ATP10B: variants seen among roughly 807,000 people sequenced by gnomAD.
ATP10B encodes the protein phospholipid-transporting ATPase VB.
Under a neutral mutation model 141.2 loss-of-function variants are expected in ATP10B, and 122 were observed. That is an observed-to-expected ratio of 0.86 (90% CI 0.75 to 1.00). The LOEUF is 1.00. ATP10B is among the 50% of genes least tolerant of loss of function. The probability of loss-of-function intolerance (pLI) is 0.00; values close to 1 mark genes in which losing one functional copy is unlikely to be tolerated. For synonymous variants in ATP10B, 685 were observed against 692.0 expected, an observed-to-expected ratio of 0.99 and a Z score of 0.16; for missense variants, 1,876 against 1,825.3, an observed-to-expected ratio of 1.03 and a Z score of -0.51.
intron 24 of ATP10B, among the ~76,000 whole-genome samples, chr5:160,570,643 T>A (rs1466063613): frequency 1.3e-5 from 2 of 152,232 alleles, no homozygotes; most frequent in African/African-American, 4.8e-5. Flanking sequence ...TTAAAATCAC[T>A]CAACTCACTG....
At chr5:160,700,927 G>A (rs1450951070) in intron 3 of ATP10B, among the ~76,000 whole-genome samples, 3 of 151,946 alleles carry the variant, frequency 2.0e-5, no homozygotes, top group Non-Finnish European at 4.4e-5. Flanking sequence ...CTACCCTTTC[G>A]GTTGCCCAAG....
At chr5:160,802,751 G>C (rs77447678) in intron 1 of ATP10B, among the ~76,000 whole-genome samples, 161 of 152,284 alleles carry the variant, frequency 1.1e-3, no homozygotes, top group East Asian at 7.9e-3. Context: ...TGTACATTAG[G>C]GGGCAGCTTG....
chr5:160,652,901 T>TTATA (rs1554100549), intron 7 of ATP10B, among the ~76,000 whole-genome samples: 1 of 70,270 alleles, frequency 1.4e-5, no homozygotes, highest in Non-Finnish European at 2.5e-5. Context: ...ATATAATATA[T>TTATA]TATATATACA....
intron 2 of ATP10B, among the ~76,000 whole-genome samples, chr5:160,735,958 A>G (rs1767088028): frequency 6.6e-6 from 1 of 152,192 alleles, no homozygotes. Flanking sequence ...ATGGAAACAC[A>G]ACATACCAAA....
chr5:160,804,801 T>G (rs557019205), intron 1 of ATP10B, among the ~76,000 whole-genome samples: 63 of 152,200 alleles, frequency 4.1e-4, no homozygotes, highest in African/African-American at 1.4e-3. Context: ...AAAATAGAAA[T>G]AAAAAACAGT....
chr5:160,620,566 C>T lies in ATP10B; in HGVS notation c.2197G>A (p.Ala733Thr). 6.2e-7 allele frequency: 1 copy of T among 1,613,884 alleles called. No individual in the cohort carries two copies. Among genetic ancestry groups the T allele is most frequent in the Admixed American group, 1.7e-5 (1 of 60,022 alleles). ...DEAALVHAAH[A>T]YSFTLVSRTP... ...CGGGACACTAGTGTGAAGCTGTAGG[C>T]ATGGGCAGCGTGCACCAGGGCGGCC... is the stretch of plus-strand genomic sequence containing the variant. Residue 733 changes from alanine (A) to threonine (T), a missense_variant, in exon 15 of 26, where the codon GCC (alanine) becomes ACC (threonine). Ala to Thr is a moderately conservative substitution (Grantham distance 58). Coordinates refer to ENST00000327245, the MANE Select transcript of ATP10B (RefSeq NM_025153.3).
chr5:160,682,439 T>C (rs544238824), intron 6 of ATP10B, among the ~76,000 whole-genome samples: 9 of 152,374 alleles, frequency 5.9e-5, no homozygotes, highest in African/African-American at 2.2e-4. Context: ...GTTATCATCT[T>C]GGTTTTCCGA....
At chr5:160,592,713 A>G (rs1426921788) in intron 22 of ATP10B, among the ~76,000 whole-genome samples, 2 of 152,228 alleles carry the variant, frequency 1.3e-5, no homozygotes, top group Non-Finnish European at 1.5e-5. Flanking sequence ...TCCCACCCTA[A>G]TACTGTGCTT....
At chr5:160,699,356 T>A (rs1023717) in intron 3 of ATP10B, among the ~76,000 whole-genome samples, 1 of 152,198 alleles carries the variant, frequency 6.6e-6, no homozygotes, top group Non-Finnish European at 1.5e-5. Flanking sequence ...TAAATAAATC[T>A]CTCACAGAAG....
At chr5:160,719,275 C>G (rs948503819) in intron 2 of ATP10B, among the ~76,000 whole-genome samples, 2 of 152,294 alleles carry the variant, frequency 1.3e-5, no homozygotes, top group East Asian at 3.9e-4. Context: ...TGGTGGGCGC[C>G]TGTAGTCCCA....
chr5:160,615,558 C>T (rs116749077), intron 17 of ATP10B, among the ~76,000 whole-genome samples: 67 of 152,094 alleles, frequency 4.4e-4, no homozygotes, highest in African/African-American at 1.5e-3. Flanking sequence ...GCTTAGCAAA[C>T]ATTTGAATGA....
In ATP10B at chr5:160,565,505, C is replaced by G; in HGVS notation, c.4334G>C (p.Arg1445Pro). Residue 1445 changes from arginine to proline, a missense_variant, in exon 26 of 26, where the codon CGG (arginine) becomes CCG (proline). Physicochemically the swap from Arg to Pro is moderately radical, Grantham distance 103. Transcript: ENST00000327245. ...AYSRGQTDMC[R>P]CSKRSSHRRS... ...GCGATGGCTGCTCCTCTTTGAGCAC[C>G]GGCACATATCAGTCTGTCCTCTTGA... 1 of 1,614,082 alleles carries G rather than the reference C, an allele frequency of 6.2e-7. No homozygotes were observed. The highest frequency in any genetic ancestry group is 8.5e-7 in the Non-Finnish European group (1 of 1,179,970).
At chr5:160,864,819 C>T in the ATP10B span, among the ~76,000 whole-genome samples, 4 of 151,710 alleles carry the variant, frequency 2.6e-5, no homozygotes, top group South Asian at 6.2e-4. Flanking sequence ...CCTTTTACAA[C>T]AGCTGCAAAA....
At chr5:160,626,772 A>G (rs1758634275) in intron 13 of ATP10B, among the ~76,000 whole-genome samples, 1 of 152,206 alleles carries the variant, frequency 6.6e-6, no homozygotes, top group African/African-American at 2.4e-5. Context: ...GTGTTACATG[A>G]CAACCCTACT....
chr5:160,782,937 T>A (rs1374336909), intron 2 of ATP10B, among the ~76,000 whole-genome samples: 1 of 152,150 alleles, frequency 6.6e-6, no homozygotes, highest in East Asian at 1.9e-4. Flanking sequence ...GGTATTTCCA[T>A]TATATAGAAG....
At chr5:160,778,674 G>A (rs1770507989) in intron 2 of ATP10B, among the ~76,000 whole-genome samples, 1 of 146,842 alleles carries the variant, frequency 6.8e-6, no homozygotes, top group Non-Finnish European at 1.5e-5. Flanking sequence ...CAAAAATATT[G>A]ACTTTTTTAA....
the ATP10B span, among the ~76,000 whole-genome samples, chr5:160,880,916 C>T: frequency 6.6e-6 from 1 of 152,094 alleles, no homozygotes; most frequent in Non-Finnish European, 1.5e-5. Context: ...AGGCACACTC[C>T]ATGAAAGAAG....
At chr5:160,791,026 T>C (rs1771529697) in intron 1 of ATP10B, among the ~76,000 whole-genome samples, 1 of 152,112 alleles carries the variant, frequency 6.6e-6, no homozygotes. Flanking sequence ...CCAAGGAACC[T>C]GGGCAGCATC....
intron 7 of ATP10B, among the ~76,000 whole-genome samples, chr5:160,665,446 A>C (rs1254673833): frequency 6.6e-6 from 1 of 152,256 alleles, no homozygotes; most frequent in Non-Finnish European, 1.5e-5. Context: ...TTTGTGCTGA[A>C]AAATAATTCT....
Sources: allele counts gnomAD v4.1 joint callset (sites outside exome capture counted in the v4.1 genomes callset), GRCh38; gene constraint gnomAD v4.1.1; transcripts MANE v1.5; gene names NCBI Gene and HGNC (gene_info 2026-07-23, HGNC 2026-07-21).